The following CSMD1 variants were observed in gnomAD, a reference collection of about 807,000 sequenced individuals.
CSMD1 encodes CUB and Sushi multiple domains 1.
In CSMD1, 213 loss-of-function variants were observed where a neutral mutation model predicts 417.5. The ratio of observed to expected loss-of-function variants is 0.51; its 90% confidence interval spans 0.46 to 0.57. The LOEUF is 0.57. Among genes scored for constraint, CSMD1 ranks in the 20% least tolerant of loss-of-function variants. The pLI is 0.00. For synonymous variants in CSMD1, 2,862 were observed against 1,736.8 expected (o/e 1.65, Z -16.11); for missense variants, 6,923 against 4,529.7 (o/e 1.53, Z -15.17).
In CSMD1 at chr8:3,468,797, G is replaced by A. The variant is rs572849075; in HGVS notation, c.1476C>T (p.Leu492=). 1 of 1,602,262 alleles carries A rather than the reference G, an allele frequency of 6.2e-7. No homozygotes were observed. The highest frequency in any genetic ancestry group is 1.3e-5 in the African/African-American group (1 of 74,884). Residue 492 remains leucine, a synonymous_variant, in exon 12 of 70, where the codon CTC becomes CTT. Coordinates refer to ENST00000635120, the MANE Select transcript of CSMD1 (RefSeq NM_033225.6). ...YVLTGSSVPD[L]IVSMSNQMWL... ...ACATCTGGTTGCTCATGCTCACAAT[G>A]AGGTCAGGAACACTGGATCCCGTGA...
chr8:3,894,442 A>T (rs1399123964), intron 5 of CSMD1, among the ~76,000 whole-genome samples: 1 of 152,220 alleles, frequency 6.6e-6, no homozygotes, highest in African/African-American at 2.4e-5. Flanking sequence ...TTTTCAAGTA[A>T]AAGAAAATAA....
At chr8:4,166,483 C>A (rs566031005) in intron 3 of CSMD1, among the ~76,000 whole-genome samples, 1 of 152,086 alleles carries the variant, frequency 6.6e-6, no homozygotes, top group Admixed American at 6.6e-5. Flanking sequence ...GAGGCCATTA[C>A]CCTAAGTTAA....
intron 1 of CSMD1, among the ~76,000 whole-genome samples, chr8:4,710,479 T>A (rs1202970085): frequency 2.7e-5 from 4 of 148,110 alleles, no homozygotes; most frequent in Admixed American, 2.0e-4. Flanking sequence ...TATATATATA[T>A]ATGTATCTCT....
intron 3 of CSMD1, among the ~76,000 whole-genome samples, chr8:4,338,526 C>T (rs920787865): frequency 1.3e-5 from 2 of 152,062 alleles, no homozygotes; most frequent in Non-Finnish European, 2.9e-5. Flanking sequence ...AGTTCTTCGG[C>T]TTTTTCTAGT....
intron 2 of CSMD1, among the ~76,000 whole-genome samples, chr8:4,624,287 G>C (rs780616023): frequency 2.8e-4 from 42 of 152,250 alleles, no homozygotes; most frequent in Non-Finnish European, 3.8e-4. Context: ...CTATAGTAGG[G>C]AAAGGGTTAG....
intron 4 of CSMD1, among the ~76,000 whole-genome samples, chr8:4,019,058 G>A (rs917403607): frequency 5.3e-5 from 8 of 152,272 alleles, no homozygotes; most frequent in Admixed American, 4.6e-4. Context: ...TGAGACAGAT[G>A]CTACTCCATT....
intron 8 of CSMD1, 120 bp downstream of exon 8, chr8:3,616,590 A>T (rs536040796): frequency 1.2e-5 from 8 of 661,306 alleles, no homozygotes; most frequent in East Asian, 2.8e-5. Context: ...ATTTAGAGTT[A>T]ATGATTAAGA....
chr8:3,607,889 G>A (rs1422305176), intron 8 of CSMD1, among the ~76,000 whole-genome samples: 1 of 152,208 alleles, frequency 6.6e-6, no homozygotes, highest in Non-Finnish European at 1.5e-5. Context: ...AAAGGAAGTA[G>A]CCAGGCACAG....
At chr8:4,741,843 C>T (rs985118124) in intron 1 of CSMD1, among the ~76,000 whole-genome samples, 2 of 151,534 alleles carry the variant, frequency 1.3e-5, no homozygotes, top group Non-Finnish European at 2.9e-5. Flanking sequence ...GGGTGTTATC[C>T]TTGTTTTTGA....
intron 17 of CSMD1, among the ~76,000 whole-genome samples, chr8:3,391,339 T>C (rs1414862582): frequency 6.6e-6 from 1 of 152,222 alleles, no homozygotes; most frequent in African/African-American, 2.4e-5. Context: ...AAGATACTTT[T>C]GACAGCATTT....
At chr8:3,807,436 T>C (rs1352462819) in intron 5 of CSMD1, among the ~76,000 whole-genome samples, 1 of 150,946 alleles carries the variant, frequency 6.6e-6, no homozygotes, top group Admixed American at 6.7e-5. Flanking sequence ...ATTTTTTTTA[T>C]ATGTGTAATG....
At chr8:3,676,142 T>C (rs1192072891) in intron 7 of CSMD1, among the ~76,000 whole-genome samples, 1 of 152,248 alleles carries the variant, frequency 6.6e-6, no homozygotes, top group African/African-American at 2.4e-5. Context: ...ATACCTAGAA[T>C]AGGTAAATTG....
chr8:4,943,486 A>T (rs1808159721), intron 1 of CSMD1, among the ~76,000 whole-genome samples: 1 of 123,468 alleles, frequency 8.1e-6, no homozygotes, highest in Admixed American at 1.0e-4. Context: ...ACAGAGTGAG[A>T]CACCGTCTCA....
intron 3 of CSMD1, among the ~76,000 whole-genome samples, chr8:4,049,257 G>A (rs766088426): frequency 3.3e-5 from 5 of 151,782 alleles, no homozygotes; most frequent in Admixed American, 6.6e-5. Flanking sequence ...CTGGCATTTT[G>A]TATGAAATAA....
At chr8:4,552,558 C>T (rs1797919799) in intron 2 of CSMD1, among the ~76,000 whole-genome samples, 2 of 151,898 alleles carry the variant, frequency 1.3e-5, no homozygotes, top group South Asian at 4.1e-4. Flanking sequence ...CTGGGAAGCA[C>T]TAGTATCTTG....
chr8:3,461,866 G>A (rs371277341), intron 12 of CSMD1, among the ~76,000 whole-genome samples: 1 of 152,220 alleles, frequency 6.6e-6, no homozygotes, highest in African/African-American at 2.4e-5. Flanking sequence ...CCGAGGCCCT[G>A]TGAGGACTTG....
rs369779269 is a variant in CSMD1, at chr8:3,010,901, G to A, written c.8029+7576C>T. Among the ~76,000 whole-genome samples the A allele has an allele frequency of 2.0e-5, 3 of 151,860 alleles. No individual in the cohort carries two copies. The East Asian group carries it at 5.8e-4, about 29-fold the overall frequency. On this transcript the variant is annotated intron_variant, in intron 52 of 69. Coordinates refer to ENST00000635120, the MANE Select transcript of CSMD1 (RefSeq NM_033225.6). ...TGGGATTACTGGTGCCCACCATTATGTCCAGTAGTAGAGATGAGGTTTCAC... is the reference window on the plus strand; with the variant it reads ...TGGGATTACTGGTGCCCACCATTATATCCAGTAGTAGAGATGAGGTTTCAC...
chr8:3,902,900 C>G (rs1807851843), intron 5 of CSMD1, among the ~76,000 whole-genome samples: 1 of 152,198 alleles, frequency 6.6e-6, no homozygotes, highest in South Asian at 2.1e-4. Context: ...ATTGATCATC[C>G]TGATCTTAAC....
intron 1 of CSMD1, among the ~76,000 whole-genome samples, chr8:4,664,174 C>T (rs1327189724): frequency 6.6e-6 from 1 of 152,220 alleles, no homozygotes; most frequent in Non-Finnish European, 1.5e-5. Context: ...CCCTGCGCAT[C>T]TCAAAGTAGC....
Sources: allele counts gnomAD v4.1 joint callset (sites outside exome capture counted in the v4.1 genomes callset), GRCh38; gene constraint gnomAD v4.1.1; transcripts MANE v1.5; gene names NCBI Gene and HGNC (gene_info 2026-07-23, HGNC 2026-07-21).